Variants in GLI2 observed in about 807,000 individuals in gnomAD.
The protein encoded by GLI2 is transcription activator GLI2.
A neutral mutation model predicts 78.9 loss-of-function variants in GLI2; 22 were observed. The observed-to-expected ratio is 0.28, with a 90% CI of 0.20 to 0.40. The LOEUF is 0.40. Among genes scored for constraint, GLI2 ranks in the 10% least tolerant of loss-of-function variants. The probability of loss-of-function intolerance (pLI) is 1.00; values close to 1 mark genes in which losing one functional copy is unlikely to be tolerated. For synonymous variants in GLI2, 974 were observed against 963.7 expected, an observed-to-expected ratio of 1.01 and a Z score of -0.20; for missense variants, 2,097 against 2,213.2, an observed-to-expected ratio of 0.95 and a Z score of 1.05.
At chr2:120,977,805 G>T (rs187495561) in intron 9 of GLI2, among the ~76,000 whole-genome samples, 1 of 152,224 alleles carries the variant, frequency 6.6e-6, no homozygotes, top group Non-Finnish European at 1.5e-5. Context: ...CCACCACGCC[G>T]ACTGCCAGGG....
At chr2:120,952,520 T>C (rs1341072835) in intron 4 of GLI2, among the ~76,000 whole-genome samples, 2 of 152,240 alleles carry the variant, frequency 1.3e-5, no homozygotes, top group South Asian at 2.1e-4. Context: ...AGTTTTCAAA[T>C]GTGCAGAAGG....
At chr2:120,912,278 T>G (rs1211989618) in intron 2 of GLI2, among the ~76,000 whole-genome samples, 1 of 151,638 alleles carries the variant, frequency 6.6e-6, no homozygotes, top group Non-Finnish European at 1.5e-5. Flanking sequence ...CAAGAGGTTT[T>G]TTTTTTTTTT....
chr2:120,945,741 T>G lies in GLI2; in HGVS notation c.255-5502T>G, dbSNP rs1027445952. 2.6e-5 allele frequency among the ~76,000 whole-genome samples: 4 copies of G among 152,096 alleles called. No homozygotes were observed. In the East Asian group the frequency reaches 7.7e-4, roughly 29 times the overall value. On this transcript the variant is annotated intron_variant, in intron 3 of 13. Transcript: ENST00000361492. The stretch of plus-strand genomic sequence containing the variant: ...TGCACCCTACGAGCTCAGCAACCCT[T>G]GCGGACAGAGAGAACCAAAGACTCT...
chr2:120,940,076 G>A (rs1680382784), intron 3 of GLI2, among the ~76,000 whole-genome samples: 1 of 152,100 alleles, frequency 6.6e-6, no homozygotes, highest in Non-Finnish European at 1.5e-5. Context: ...TTCCTTCTTG[G>A]GAAATGTCTG....
intron 2 of GLI2, among the ~76,000 whole-genome samples, chr2:120,884,281 C>T (rs746979445): frequency 2.6e-5 from 4 of 152,154 alleles, no homozygotes; most frequent in Non-Finnish European, 4.4e-5. Flanking sequence ...GCAGAGGCTG[C>T]GCGCCCATGT....
intron 3 of GLI2, among the ~76,000 whole-genome samples, chr2:120,936,930 A>G (rs1302015736): frequency 6.6e-5 from 10 of 152,182 alleles, no homozygotes; most frequent in African/African-American, 2.4e-4. Context: ...ACTGCTTAAA[A>G]AGGTCAGAAA....
rs1027791213 is a variant in GLI2, at chr2:120,800,899, G to T, written c.148+3431G>T. On this transcript the variant is annotated intron_variant, in intron 2 of 13. Transcript: ENST00000361492. This position sits in a 1 kb window ranked among gnomAD's most constrained non-coding sequence, Gnocchi z 4.1. ...TGGGTCTTATCTGAGGATGTCAGGGGCGCAGTGGTGAGGAAACAGCCAAAT... is the reference window on the plus strand; with the variant it reads ...TGGGTCTTATCTGAGGATGTCAGGGTCGCAGTGGTGAGGAAACAGCCAAAT... Among the ~76,000 whole-genome samples the T allele has an allele frequency of 3.9e-5, 6 of 152,190 alleles. No homozygotes were observed. The highest frequency in any genetic ancestry group is 6.5e-5 in the Admixed American group (1 of 15,274).
intron 10 of GLI2, among the ~76,000 whole-genome samples, chr2:120,980,643 A>C (rs1206403361): frequency 3.9e-5 from 6 of 152,166 alleles, no homozygotes; most frequent in African/African-American, 1.4e-4. Flanking sequence ...GAGGCTGTAC[A>C]ATTTTTTAAT....
At chr2:120,828,221 G>A (rs1229389870) in intron 2 of GLI2, among the ~76,000 whole-genome samples, 1 of 152,172 alleles carries the variant, frequency 6.6e-6, no homozygotes, top group Non-Finnish European at 1.5e-5. Context: ...AGAGCAGCTT[G>A]CTGGGCCAAG....
intron 2 of GLI2, among the ~76,000 whole-genome samples, chr2:120,906,482 G>A (rs931422053): frequency 6.6e-6 from 1 of 151,960 alleles, no homozygotes; most frequent in Non-Finnish European, 1.5e-5. Context: ...GGTGAGCACC[G>A]GGCAGCTCAG....
intron 2 of GLI2, among the ~76,000 whole-genome samples, chr2:120,870,776 C>A (rs1054343237): frequency 3.0e-4 from 46 of 152,156 alleles, no homozygotes; most frequent in African/African-American, 1.0e-3. Context: ...TCATATAACC[C>A]TCTTGAGCCT....
Position 120,988,836 on chromosome 2 carries a change from G to A in GLI2, c.2871G>A (p.Arg957=). ...GGARRASDPV[R]RPDALSLPRV... ...CCAGGCGGGCCAGCGACCCTGTGCGGCGGCCCGATGCCCTGTCCCTGCCGC... is the reference window on the plus strand; with the variant it reads ...CCAGGCGGGCCAGCGACCCTGTGCGACGGCCCGATGCCCTGTCCCTGCCGC... The change falls in exon 14 of 14, where the codon CGG becomes CGA. Residue 957 remains arginine, a synonymous_variant. Transcript: ENST00000361492. 6.8e-7 allele frequency: 1 copy of A among 1,470,806 alleles called. No individual in the cohort carries two copies. The highest frequency in any genetic ancestry group is 3.0e-5 in the East Asian group (1 of 33,548). The allele number at this position is 1,470,806 out of a possible 1,614,324, so 91.1% of individuals were successfully genotyped here.
At chr2:120,836,117 C>G (rs184904113) in intron 2 of GLI2, among the ~76,000 whole-genome samples, 4 of 152,194 alleles carry the variant, frequency 2.6e-5, no homozygotes, top group Non-Finnish European at 4.4e-5. Flanking sequence ...ATGGCCCCCC[C>G]ATCTGGGCTG....
rs540295982 is a variant in GLI2 at position 120,913,446 on chromosome 2, A to ACC, written c.149-13914_149-13913dup. 2.4e-4 allele frequency among the ~76,000 whole-genome samples: 36 copies of ACC among 152,202 alleles called. No homozygotes were observed. In the South Asian group the frequency reaches 7.3e-3, roughly 31 times the overall value. ...ATTAAATTGTGTTATTAAAATAATC[A>ACC]CCTGTTTCTTTTTAGTTTTTTTTAA... On this transcript the variant is annotated intron_variant, in intron 2 of 13. Coordinates refer to ENST00000361492, the MANE Select transcript of GLI2 (RefSeq NM_001374353.1).
intron 1 of GLI2, among the ~76,000 whole-genome samples, chr2:120,746,685 C>A (rs1682702097): frequency 6.6e-6 from 1 of 152,130 alleles, no homozygotes; most frequent in Non-Finnish European, 1.5e-5. Flanking sequence ...CTAAAAAAAG[C>A]CGCAAAACAT....
At chr2:120,896,808 C>G (rs1047485647) in intron 2 of GLI2, among the ~76,000 whole-genome samples, 7 of 152,026 alleles carry the variant, frequency 4.6e-5, no homozygotes, top group African/African-American at 1.7e-4. Flanking sequence ...TCAAGAGTCA[C>G]CAAGAGTTAA....
At chr2:120,907,131 A>C (rs1461217401) in intron 2 of GLI2, among the ~76,000 whole-genome samples, 1 of 151,470 alleles carries the variant, frequency 6.6e-6, no homozygotes, top group Non-Finnish European at 1.5e-5. Context: ...CCCAGCCCTC[A>C]CCTGCTGCCT....
intron 12 of GLI2, 49 bp from the exon 13 acceptor site, chr2:120,986,229 G>A (rs1301711130): frequency 1.9e-6 from 3 of 1,542,680 alleles, no homozygotes; most frequent in Non-Finnish European, 2.7e-6. Context: ...AGGACCAGGT[G>A]GAATCTGATA....
At chr2:120,796,124 G>A (rs567955220) in intron 1 of GLI2, among the ~76,000 whole-genome samples, 5 of 152,206 alleles carry the variant, frequency 3.3e-5, no homozygotes, top group African/African-American at 1.2e-4. Context: ...TAGAAAGGCT[G>A]GATTGCCAGT....
Sources: allele counts gnomAD v4.1 joint callset (sites outside exome capture counted in the v4.1 genomes callset), GRCh38; gene constraint gnomAD v4.1.1; non-coding constraint Gnocchi (gnomAD v3.1); transcripts MANE v1.5; gene names NCBI Gene and HGNC (gene_info 2026-07-23, HGNC 2026-07-21).